Variants in ANK3 observed in about 807,000 individuals in gnomAD.
ANK3 encodes ankyrin 3.
A neutral mutation model predicts 370.9 loss-of-function variants in ANK3; 57 were observed. The observed-to-expected ratio is 0.15, with a 90% CI of 0.12 to 0.19. The LOEUF (loss-of-function observed/expected upper bound fraction) is 0.19, where lower values mean the gene tolerates loss of function less well. Among genes scored for constraint, ANK3 ranks in the 10% least tolerant of loss-of-function variants. The probability of loss-of-function intolerance (pLI) is 1.00; values close to 1 mark genes in which losing one functional copy is unlikely to be tolerated. For synonymous variants in ANK3, 1,929 were observed against 1,946.3 expected (o/e 0.99, Z 0.23); for missense variants, 4,439 against 5,302.1 (o/e 0.84, Z 5.06).
At chr10:60,373,425 G>A (rs78050293) in intron 1 of ANK3, among the ~76,000 whole-genome samples, 13,248 of 152,224 alleles carry the variant, frequency 0.087, 726 homozygotes, top group South Asian at 0.13. Flanking sequence ...TGGGTCCTGG[G>A]TGAGACCCTA....
intron 2 of ANK3, among the ~76,000 whole-genome samples, chr10:60,443,503 GA>G (rs2064353916): frequency 2.0e-5 from 3 of 152,148 alleles, no homozygotes; most frequent in Non-Finnish European, 4.4e-5. Context: ...ACAGATTTCT[GA>G]AGTGGCCCAA....
intron 4 of ANK3, among the ~76,000 whole-genome samples, chr10:60,278,003 T>C (rs2098115169): frequency 6.6e-6 from 1 of 152,236 alleles, no homozygotes; most frequent in Admixed American, 6.5e-5. Context: ...TGAGGACCTA[T>C]ATTTTTAAAC....
chr10:60,098,899 A>C (rs1294103281), intron 28 of ANK3, among the ~76,000 whole-genome samples: 1 of 152,212 alleles, frequency 6.6e-6, no homozygotes, highest in Non-Finnish European at 1.5e-5. Flanking sequence ...GAATGTCTGG[A>C]AACAATGATA....
chr10:60,281,339 A>G (rs2098159859), intron 1 of ANK3, among the ~76,000 whole-genome samples: 1 of 152,198 alleles, frequency 6.6e-6, no homozygotes, highest in African/African-American at 2.4e-5. Context: ...AGCATTTTCT[A>G]TTGACCAGGT....
intron 8 of ANK3, among the ~76,000 whole-genome samples, chr10:60,234,050 T>G (rs1008474235): frequency 1.3e-5 from 2 of 152,218 alleles, no homozygotes; most frequent in Admixed American, 6.5e-5. Flanking sequence ...TCCTCAAGGT[T>G]CATCAATGCT....
At chr10:60,610,133 T>C (rs1214869194) in intron 2 of ANK3, among the ~76,000 whole-genome samples, 5 of 152,028 alleles carry the variant, frequency 3.3e-5, no homozygotes, top group African/African-American at 9.7e-5. Flanking sequence ...CCCAAAGACA[T>C]GTACAGACAA....
intron 7 of ANK3, among the ~76,000 whole-genome samples, chr10:60,257,993 C>A (rs1021677181): frequency 6.6e-6 from 1 of 152,196 alleles, no homozygotes; most frequent in African/African-American, 2.4e-5. Context: ...TGAAAAAATT[C>A]AGCCAGCAAA....
chr10:60,036,456 G>C (rs1456580235), intron 43 of ANK3, among the ~76,000 whole-genome samples: 4 of 29,426 alleles, frequency 1.4e-4, no homozygotes, highest in African/African-American at 4.7e-4. Flanking sequence ...TTTTTTTTGA[G>C]ACGGAGTCTT....
chr10:60,414,662 A>G (rs1452701803), intron 2 of ANK3, among the ~76,000 whole-genome samples: 1 of 152,208 alleles, frequency 6.6e-6, no homozygotes, highest in Non-Finnish European at 1.5e-5. Context: ...GGACTACCAG[A>G]GAAGGGTAGA....
intron 28 of ANK3, 127 bp from the exon 29 acceptor site, chr10:60,088,485 G>C: frequency 1.2e-6 from 1 of 817,866 alleles, no homozygotes; most frequent in Middle Eastern, 3.7e-4. Flanking sequence ...AAGTGCAATG[G>C]CGTGATCTTG....
At position 60,071,792 on chromosome 10, in the gene ANK3, C is replaced by G; in HGVS notation, c.9089G>C (p.Ser3030Thr). The change falls in exon 37 of 44, where the codon AGT (serine) becomes ACT (threonine). Residue 3030 changes from serine (S) to threonine (T), a missense_variant. Transcript: ENST00000280772. ...GAGAGGTGGGCATAAACCTACATAA[C>G]TCTGGTGTTTGGAAACTTTGCTGAT... ...SEISKVSKHQ[S>T]YVGLCPPLEE... is the part of the protein sequence containing the mutation. The G allele has an allele frequency of 6.2e-7, 1 of 1,608,504 alleles. No individual in the cohort carries two copies. Among genetic ancestry groups the G allele is most frequent in the Non-Finnish European group, 8.5e-7 (1 of 1,177,384 alleles).
chr10:60,572,609 G>T, intron 2 of ANK3: 2 of 1,514,106 alleles, frequency 1.3e-6, no homozygotes, highest in South Asian at 2.5e-5. Context: ...AAGAGTCAAA[G>T]CATTGAGACC....
At chr10:60,103,027 T>C (rs553956531) in intron 28 of ANK3, among the ~76,000 whole-genome samples, 5 of 152,258 alleles carry the variant, frequency 3.3e-5, no homozygotes, top group Admixed American at 1.3e-4. Flanking sequence ...CTTGGCTCAC[T>C]GCAACCTGCG....
At chr10:60,178,300 A>G (rs1159158914) in intron 18 of ANK3, among the ~76,000 whole-genome samples, 1 of 152,198 alleles carries the variant, frequency 6.6e-6, no homozygotes, top group African/African-American at 2.4e-5. Context: ...AAAATTATAT[A>G]TATATTTCTA....
At chr10:60,265,880 C>T (rs562286126) in intron 5 of ANK3, among the ~76,000 whole-genome samples, 9 of 152,262 alleles carry the variant, frequency 5.9e-5, no homozygotes, top group African/African-American at 2.2e-4. Flanking sequence ...GTCCTTTCTG[C>T]CAGTGTCTGT....
intron 7 of ANK3, among the ~76,000 whole-genome samples, chr10:60,250,608 G>T (rs568392931): frequency 6.6e-6 from 1 of 152,188 alleles, no homozygotes; most frequent in African/African-American, 2.4e-5. Flanking sequence ...CTTGTGATCT[G>T]CCCTCCTTGG....
rs564854033 is a variant in ANK3 at position 60,721,374 on chromosome 10, G to A, written c.57+11889C>T. 5.9e-5 allele frequency among the ~76,000 whole-genome samples: 9 copies of A among 152,248 alleles called. No individual in the cohort carries two copies. The South Asian group carries it at 1.7e-3, about 28-fold the overall frequency. ...AAAGGCAGACTGCATTTAAAGAAAGGTTGAAAAAATAAGTATAGCATGGTC... is the reference window on the plus strand; with the variant it reads ...AAAGGCAGACTGCATTTAAAGAAAGATTGAAAAAATAAGTATAGCATGGTC... On this transcript the variant is annotated intron_variant, in intron 1 of 43. Coordinates refer to the ANK3 transcript ENST00000373827.
chr10:60,220,788 C>T (rs1211691412), intron 8 of ANK3, among the ~76,000 whole-genome samples: 2 of 152,112 alleles, frequency 1.3e-5, no homozygotes, highest in Non-Finnish European at 2.9e-5. Context: ...CTCAGGATCT[C>T]CTAAGGGCTA....
intron 1 of ANK3, among the ~76,000 whole-genome samples, chr10:60,655,981 G>A (rs941087828): frequency 6.6e-6 from 1 of 152,186 alleles, no homozygotes; most frequent in African/African-American, 2.4e-5. Context: ...TACAGCCTAG[G>A]TATGTAGTCG....
Sources: gnomAD v4.1 joint callset for allele counts (sites outside exome capture counted in the v4.1 genomes callset) on GRCh38, gnomAD v4.1.1 for gene constraint, MANE v1.5 for transcripts, NCBI Gene and HGNC (gene_info 2026-07-23, HGNC 2026-07-21) for gene names.